PTPRJ: variants seen among roughly 807,000 people sequenced by gnomAD.
The protein encoded by PTPRJ is receptor-type tyrosine-protein phosphatase eta.
Under a neutral mutation model 141.3 loss-of-function variants are expected in PTPRJ, and 129 were observed. That is an observed-to-expected ratio of 0.91 (90% CI 0.79 to 1.06). The LOEUF is 1.06. Ranked by LOEUF, PTPRJ falls within the 50% of genes least tolerant of loss-of-function variation. PTPRJ has a pLI of 0.00. For missense variants in PTPRJ, 1,601 were observed against 1,679.7 expected (o/e 0.95, Z 0.82); for synonymous variants, 610 against 640.5 (o/e 0.95, Z 0.72).
intron 1 of PTPRJ, among the ~76,000 whole-genome samples, chr11:48,013,437 G>A (rs994431950): frequency 4.5e-4 from 68 of 152,292 alleles, no homozygotes; most frequent in Non-Finnish European, 4.4e-4. Flanking sequence ...AATGGTCCTC[G>A]GGATCTGAAG....
intron 22 of PTPRJ, 30 bp from the exon 23 acceptor site, chr11:48,163,428 C>T: frequency 2.5e-6 from 4 of 1,594,996 alleles, no homozygotes; most frequent in Non-Finnish European, 3.4e-6. Flanking sequence ...GCCTTTCTGT[C>T]TGGATCTAAA....
At chr11:48,111,333 T>TAAA (rs1312195210) in intron 2 of PTPRJ, among the ~76,000 whole-genome samples, 1 of 141,122 alleles carries the variant, frequency 7.1e-6, no homozygotes, top group Non-Finnish European at 1.5e-5. Context: ...GGTAGTTTTT[T>TAAA]AAAAAATGTA....
intron 21 of PTPRJ, among the ~76,000 whole-genome samples, chr11:48,157,976 A>G (rs1485217858): frequency 6.6e-6 from 1 of 152,216 alleles, no homozygotes; most frequent in Non-Finnish European, 1.5e-5. Flanking sequence ...AACATGGCGA[A>G]ACCCATCTCT....
At position 47,980,880 on chromosome 11, in the gene PTPRJ, C is replaced by G; in HGVS notation, c.-33C>G. ...CGGGCGCACGGCGGGGCCCGATTCG[C>G]GCGTCCGGGGCACGTTCCAGGGCGC... On this transcript the variant is annotated 5_prime_UTR_variant, in exon 1 of 25. Coordinates refer to ENST00000418331, the MANE Select transcript of PTPRJ (RefSeq NM_002843.4). The G allele has an allele frequency of 1.8e-6, 2 of 1,115,300 alleles. No homozygotes were observed. The highest frequency in any genetic ancestry group is 3.3e-5 in the African/African-American group (2 of 60,120). 69.1% of individuals were successfully genotyped at this position (1,115,300 alleles called of 1,614,324 possible).
intron 1 of PTPRJ, among the ~76,000 whole-genome samples, chr11:48,021,425 TA>T (rs1200608474): frequency 1.0e-4 from 15 of 146,276 alleles, no homozygotes; most frequent in African/African-American, 3.6e-4. Flanking sequence ...ATAAATAAAA[TA>T]AAATAAAATA....
chr11:48,124,836 G>C lies in PTPRJ; in HGVS notation c.875-132G>C, dbSNP rs563862916. 111 of 794,966 alleles carry C rather than the reference G, an allele frequency of 1.4e-4. No individual in the cohort carries two copies. In the South Asian group the frequency reaches 1.6e-3, roughly 12 times the overall value. The allele number at this position is 794,966 out of a possible 1,614,324, so 49.2% of individuals were successfully genotyped here. On this transcript the variant is annotated intron_variant, in intron 5 of 24. Transcript: ENST00000418331. ...TGCCTCTCTCTCTGGAGGAGGAAGG[G>C]AGCAGATATTGATGGAGCACCAACT...
In PTPRJ at chr11:48,110,042, T is replaced by G. The variant is rs763762235; in HGVS notation, c.97-16T>G. The G allele has an allele frequency of 6.2e-7, 1 of 1,613,998 alleles. No individual in the cohort carries two copies. The highest frequency in any genetic ancestry group is 1.1e-5 in the South Asian group (1 of 91,078). ...TGAATGAATCTGCTGACTTCCGTTT[T>G]CTTTTTCTGTTTCAGATCCTGTGCG... On this transcript the variant is annotated splice_polypyrimidine_tract_variant and intron_variant, in intron 1 of 24. Transcript: ENST00000418331.
intron 3 of PTPRJ, among the ~76,000 whole-genome samples, chr11:48,114,201 G>A (rs970946935): frequency 6.6e-6 from 1 of 152,110 alleles, no homozygotes; most frequent in African/African-American, 2.4e-5. Context: ...CACTTTGGGA[G>A]GCTAAGGTGG....
chr11:48,088,904 G>T lies in PTPRJ; in HGVS notation c.97-21154G>T, dbSNP rs551022993. Among the ~76,000 whole-genome samples the T allele has an allele frequency of 1.1e-4, 17 of 152,290 alleles. No homozygotes were observed. The East Asian group carries it at 3.3e-3, about 29-fold the overall frequency. Reference sequence around the variant, plus strand: ...GTGCCACATTAAGGAAACGCATGTTGTATTGGCTTCTGCCAAGTCAGCTCA... The same window carrying T: ...GTGCCACATTAAGGAAACGCATGTTTTATTGGCTTCTGCCAAGTCAGCTCA... On this transcript the variant is annotated intron_variant, in intron 1 of 24. Coordinates refer to ENST00000418331, the MANE Select transcript of PTPRJ (RefSeq NM_002843.4).
At chr11:48,060,824 G>A (rs1854901968) in intron 1 of PTPRJ, among the ~76,000 whole-genome samples, 1 of 152,096 alleles carries the variant, frequency 6.6e-6, no homozygotes, top group Admixed American at 6.6e-5. Flanking sequence ...CCTCTGAAGG[G>A]GCTGAGATTT....
At chr11:48,130,981 A>G (rs903438379) in intron 8 of PTPRJ, among the ~76,000 whole-genome samples, 1 of 148,762 alleles carries the variant, frequency 6.7e-6, no homozygotes, top group Admixed American at 6.8e-5. Context: ...AGATACACAA[A>G]TATATGTGTG....
At chr11:48,092,459 T>C (rs1855896791) in intron 1 of PTPRJ, among the ~76,000 whole-genome samples, 1 of 151,746 alleles carries the variant, frequency 6.6e-6, no homozygotes, top group Admixed American at 6.6e-5. Flanking sequence ...AGACAGAGTC[T>C]TGCTCTGTTG....
At chr11:48,138,067 C>A (rs1246982058) in intron 10 of PTPRJ, among the ~76,000 whole-genome samples, 3 of 152,170 alleles carry the variant, frequency 2.0e-5, no homozygotes, top group African/African-American at 7.2e-5. Flanking sequence ...ATTTTCTGCC[C>A]TTCTCGCTCC....
At chr11:48,131,454 C>T (rs1291045949) in intron 8 of PTPRJ, 4 of 768,048 alleles carry the variant, frequency 5.2e-6, no homozygotes, top group African/African-American at 5.1e-5. Flanking sequence ...TCTGCCTTTT[C>T]CCCAACTTGC....
chr11:48,149,374 C>A, intron 15 of PTPRJ, 73 bp from the exon 16 acceptor site: 1 of 1,011,144 alleles, frequency 9.9e-7, no homozygotes, highest in Non-Finnish European at 1.5e-6. Flanking sequence ...ATGACATCAA[C>A]TCCAGATACA....
At chr11:48,161,688 CT>C (rs1437826982) in intron 22 of PTPRJ, among the ~76,000 whole-genome samples, 2 of 152,154 alleles carry the variant, frequency 1.3e-5, no homozygotes, top group Non-Finnish European at 2.9e-5. Context: ...TCTCAGCTCA[CT>C]GCAACCTCTG....
intron 1 of PTPRJ, among the ~76,000 whole-genome samples, chr11:48,109,099 G>C (rs1028565002): frequency 6.6e-6 from 1 of 152,076 alleles, no homozygotes; most frequent in African/African-American, 2.4e-5. Flanking sequence ...GTTTGTGGGA[G>C]GGAATAAATA....
intron 1 of PTPRJ, among the ~76,000 whole-genome samples, chr11:48,063,721 T>C (rs1207674844): frequency 6.6e-6 from 1 of 152,230 alleles, no homozygotes; most frequent in African/African-American, 2.4e-5. Context: ...TTCAAAATGC[T>C]TGCCATTCCT....
At chr11:47,995,766 G>T (rs1333794569) in intron 1 of PTPRJ, among the ~76,000 whole-genome samples, 1 of 152,214 alleles carries the variant, frequency 6.6e-6, no homozygotes, top group Admixed American at 6.5e-5. Flanking sequence ...GGGGTCAGGC[G>T]TGGTGGCTCA....
Sources: allele counts gnomAD v4.1 joint callset (sites outside exome capture counted in the v4.1 genomes callset), GRCh38; gene constraint gnomAD v4.1.1; transcripts MANE v1.5; gene names NCBI Gene and HGNC (gene_info 2026-07-23, HGNC 2026-07-21).